Variants in DNAH10 observed in about 807,000 individuals in gnomAD.
DNAH10 encodes the protein axonemal beta dynein heavy chain 10.
A neutral mutation model predicts 506.6 loss-of-function variants in DNAH10; 348 were observed. That is an observed-to-expected ratio of 0.69 (90% CI 0.63 to 0.75). The LOEUF (loss-of-function observed/expected upper bound fraction) is 0.75. Ranked by LOEUF, DNAH10 falls within the 30% of genes least tolerant of loss-of-function variation. DNAH10 has a pLI of 0.00. For synonymous variants in DNAH10, 2,059 were observed against 2,198.6 expected (o/e 0.94, Z 1.78); for missense variants, 5,179 against 5,787.1 (o/e 0.89, Z 3.41).
intron 64 of DNAH10, 124 bp from the exon 65 acceptor site, chr12:123,918,552 A>C: frequency 8.2e-7 from 1 of 1,225,182 alleles, no homozygotes; most frequent in Non-Finnish European, 1.1e-6. Context: ...GCTCCCCTGC[A>C]GTCCCTGGAT....
chr12:123,884,093 A>G (rs1952625912), intron 51 of DNAH10, among the ~76,000 whole-genome samples: 1 of 151,438 alleles, frequency 6.6e-6, no homozygotes, highest in South Asian at 2.1e-4. Context: ...GAGTGCAATG[A>G]CGTGATCTCG....
In DNAH10 at chr12:123,894,677, G is replaced by GC; in HGVS notation, c.9237dup (p.Trp3080LeufsTer17). 6.2e-7 allele frequency: 1 copy of GC among 1,614,014 alleles called. No individual in the cohort carries two copies. Among genetic ancestry groups the GC allele is most frequent in the African/African-American group, 1.3e-5 (1 of 75,062 alleles). The stretch of plus-strand genomic sequence containing the variant: ...ATAACACTGGTATTGACTGGTTCAT[G>GC]CCCTGGCCTCCCCAAGCCCTCCATG... On this transcript the variant is annotated frameshift_variant, in exon 54 of 79. Transcript: ENST00000673944. LOFTEE classifies it high-confidence loss of function.
intron 45 of DNAH10, among the ~76,000 whole-genome samples, chr12:123,872,525 C>T (rs550545327): frequency 6.6e-5 from 10 of 152,304 alleles, no homozygotes; most frequent in African/African-American, 2.2e-4. Context: ...AGCTTCAACA[C>T]GTTCAGCTCA....
In DNAH10 at chr12:123,838,597, G is replaced by A. The variant is rs747646053; in HGVS notation, c.5044G>A (p.Ala1682Thr). 1 of 1,613,930 alleles carries A rather than the reference G, an allele frequency of 6.2e-7. No individual in the cohort carries two copies. The highest frequency in any genetic ancestry group is 8.5e-7 in the Non-Finnish European group (1 of 1,179,902). ...LNDYLDSKRN[A>T]FPRFFFISDD... ...CGACTACTTAGATTCGAAGAGAAAT[G>A]CTTTCCCAAGGTTCTTCTTCATTTC... The change falls in exon 29 of 79, where the codon GCT becomes ACT. Residue 1682 changes from alanine (A) to threonine (T), a missense_variant. Ala to Thr is a moderately conservative substitution (Grantham distance 58). Coordinates refer to ENST00000673944, the MANE Select transcript of DNAH10 (RefSeq NM_001372106.1).
At chr12:123,862,585 C>A (rs1036054450) in intron 39 of DNAH10, among the ~76,000 whole-genome samples, 56 of 151,910 alleles carry the variant, frequency 3.7e-4, no homozygotes, top group African/African-American at 1.3e-3. Context: ...GAGACAGAGT[C>A]TCCCTGTACT....
chr12:123,831,291 CAT>C (rs1355063237), intron 26 of DNAH10, among the ~76,000 whole-genome samples: 1 of 150,864 alleles, frequency 6.6e-6, no homozygotes, highest in Non-Finnish European at 1.5e-5. Flanking sequence ...ACATACTACT[CAT>C]ATATGTGCAC....
At chr12:123,777,491 C>T (rs933567608) in intron 5 of DNAH10, among the ~76,000 whole-genome samples, 46 of 152,348 alleles carry the variant, frequency 3.0e-4, no homozygotes, top group African/African-American at 1.1e-3. Context: ...TACAAGTCAT[C>T]CTGTGAGTTA....
In DNAH10 at chr12:123,776,565, C is replaced by T. The variant is rs115165838; in HGVS notation, c.621+2301C>T. On this transcript the variant is annotated intron_variant, in intron 5 of 78. Coordinates refer to ENST00000673944, the MANE Select transcript of DNAH10 (RefSeq NM_001372106.1). Reference sequence around the variant, plus strand: ...CAAGTGTTGTATTTTGCATTCTAGACGGGAAGGTTGCAGAGTATGGTGGTC... The same window carrying T: ...CAAGTGTTGTATTTTGCATTCTAGATGGGAAGGTTGCAGAGTATGGTGGTC... 7.1e-3 allele frequency among the ~76,000 whole-genome samples: 1,060 copies of T among 150,330 alleles called. 19 individuals are homozygous for T. The highest frequency in any genetic ancestry group is 0.024 in the African/African-American group (988 of 40,784).
At chr12:123,863,752 C>T (rs1363793150) in intron 39 of DNAH10, among the ~76,000 whole-genome samples, 2 of 152,206 alleles carry the variant, frequency 1.3e-5, no homozygotes, top group Non-Finnish European at 2.9e-5. Flanking sequence ...AGGCCTTTCT[C>T]CAAACAAGGT....
At chr12:123,809,682 T>C (rs1958854493) in intron 19 of DNAH10, among the ~76,000 whole-genome samples, 1 of 119,558 alleles carries the variant, frequency 8.4e-6, no homozygotes, top group South Asian at 2.3e-4. Flanking sequence ...CAACAACATA[T>C]CATTTCGTGT....
rs757891633 is a variant in DNAH10, at chr12:123,796,846, G to T, written c.2163+14G>T. 4 of 1,571,298 alleles carry T rather than the reference G, an allele frequency of 2.5e-6. No homozygotes were observed. The African/African-American group carries it at 4.2e-5, about 16-fold the overall frequency. On this transcript the variant is annotated intron_variant, in intron 13 of 78. Transcript: ENST00000673944. Reference sequence around the variant, plus strand: ...CGAGGACAGGAGGTATGTTGCTCTTGCTAGAATTGGCTCCTTTTGTATTTG... The same window carrying T: ...CGAGGACAGGAGGTATGTTGCTCTTTCTAGAATTGGCTCCTTTTGTATTTG...
At position 123,914,521 on chromosome 12, in the gene DNAH10, C is replaced by G; in HGVS notation, c.10545C>G (p.Ser3515Arg). Residue 3515 changes from serine (S) to arginine (R), a missense_variant, in exon 61 of 79, where the codon AGC becomes AGG. Transcript: ENST00000673944. The stretch of plus-strand genomic sequence containing the variant: ...TGAGCCAGCCTTTCCGGCTGGAAAG[C>G]CTGCTCACGGATGATGTTGAGATCA... ...IPLSQPFRLE[S>R]LLTDDVEISR... 1 of 1,613,460 alleles carries G rather than the reference C, an allele frequency of 6.2e-7. No homozygotes were observed. The highest frequency in any genetic ancestry group is 8.5e-7 in the Non-Finnish European group (1 of 1,179,816).
chr12:123,896,195 A>AGAGAGAGAGAG (rs1953236264), intron 54 of DNAH10, among the ~76,000 whole-genome samples: 4 of 144,002 alleles, frequency 2.8e-5, no homozygotes, highest in Admixed American at 7.0e-5. Flanking sequence ...AGAGAGAGAG[A>AGAGAGAGAGAG]ATATATTCCC....
At chr12:123,870,142 C>A (rs1951970113) in intron 43 of DNAH10, among the ~76,000 whole-genome samples, 1 of 152,208 alleles carries the variant, frequency 6.6e-6, no homozygotes, top group Admixed American at 6.5e-5. Flanking sequence ...TAGTGACTGT[C>A]CCGTGAACTA....
At chr12:123,883,520 C>A (rs1952599923) in intron 51 of DNAH10, among the ~76,000 whole-genome samples, 1 of 152,212 alleles carries the variant, frequency 6.6e-6, no homozygotes. Flanking sequence ...TGGTATCTGA[C>A]TTCTTTCACT....
In DNAH10 at chr12:123,926,903, G is replaced by A. The variant is rs1211390729; in HGVS notation, c.12105+83G>A. 1 of 1,478,516 alleles carries A rather than the reference G, an allele frequency of 6.8e-7. No homozygotes were observed. Among genetic ancestry groups the A allele is most frequent in the African/African-American group, 1.4e-5 (1 of 70,880 alleles). 91.6% of individuals were successfully genotyped at this position (1,478,516 alleles called of 1,614,324 possible). A position where few individuals can be genotyped will look rare whatever the true frequency, so the allele number is the denominator to read the frequency against. On this transcript the variant is annotated intron_variant, in intron 69 of 78. Coordinates refer to ENST00000673944, the MANE Select transcript of DNAH10 (RefSeq NM_001372106.1). The surrounding 1 kb of genome is among the most constrained non-coding windows in gnomAD (Gnocchi z 4.1). ...TAAGAAGGAGCTAACCTGGGTTTAA[G>A]CTGAGTGCCACGCCACAAATCAGTT...
At chr12:123,865,789 A>G (rs1457126468) in intron 40 of DNAH10, among the ~76,000 whole-genome samples, 162 bp from the exon 41 acceptor site, 1 of 152,224 alleles carries the variant, frequency 6.6e-6, no homozygotes, top group African/African-American at 2.4e-5. Flanking sequence ...CTTCTCATCA[A>G]AATCCCAGGT....
intron 29 of DNAH10, 68 bp downstream of exon 29, chr12:123,838,757 C>T: frequency 7.0e-7 from 1 of 1,427,550 alleles, no homozygotes; most frequent in Non-Finnish European, 9.7e-7. Flanking sequence ...CTCCCTGGTT[C>T]CCTTTGCCAT....
chr12:123,921,487 C>T (rs547842852), intron 65 of DNAH10, among the ~76,000 whole-genome samples: 6 of 152,134 alleles, frequency 3.9e-5, no homozygotes, highest in South Asian at 2.1e-4. Flanking sequence ...TGGGATCTGA[C>T]GGCTTGTCAA....
Sources: gnomAD v4.1 joint callset for allele counts (sites outside exome capture counted in the v4.1 genomes callset) on GRCh38, gnomAD v4.1.1 for gene constraint, Gnocchi (gnomAD v3.1) non-coding constraint, MANE v1.5 for transcripts, NCBI Gene and HGNC (gene_info 2026-07-23, HGNC 2026-07-21) for gene names.